Variants in CLMN observed in about 807,000 individuals in gnomAD.
The protein encoded by CLMN is calmin.
In CLMN, 57 loss-of-function variants were observed where a neutral mutation model predicts 92.7. The observed-to-expected ratio is 0.61, with a 90% CI of 0.50 to 0.77. CLMN has a LOEUF of 0.77. Ranked by LOEUF, CLMN falls within the 30% of genes least tolerant of loss-of-function variation. CLMN has a pLI of 0.00. For synonymous variants in CLMN, 466 were observed against 470.6 expected (o/e 0.99, Z 0.13); for missense variants, 1,158 against 1,237.5 (o/e 0.94, Z 0.96).
chr14:95,270,380 A>G (rs1258788756), intron 1 of CLMN, among the ~76,000 whole-genome samples: 1 of 152,220 alleles, frequency 6.6e-6, no homozygotes, highest in Non-Finnish European at 1.5e-5. Context: ...CCATACCACA[A>G]TCTAATTTTA....
At position 95,262,245 on chromosome 14, in the gene CLMN, C is replaced by T. The variant is rs184531429; in HGVS notation, c.83-32112G>A. Among the ~76,000 whole-genome samples the T allele has an allele frequency of 3.3e-3, 505 of 152,336 alleles. 1 individual carries two copies. Among genetic ancestry groups the T allele is most frequent in the African/African-American group, 0.011 (476 of 41,572 alleles). The stretch of plus-strand genomic sequence containing the variant: ...ATGTTTTCTCAGAGCCCTGTACCTG[C>T]GCTGGGGTTCACTGAGTTTTTGGCC... On this transcript the variant is annotated intron_variant, in intron 1 of 12. Transcript: ENST00000298912.
intron 3 of CLMN, chr14:95,222,619 C>A (rs541919805): frequency 9.7e-4 from 441 of 455,932 alleles, no homozygotes; most frequent in Non-Finnish European, 1.6e-3. Flanking sequence ...AAGTGGGGAG[C>A]CTCTGTGCTG....
chr14:95,222,557 C>T (rs563372905), intron 3 of CLMN: 2 of 455,584 alleles, frequency 4.4e-6, no homozygotes, highest in East Asian at 1.4e-4. Context: ...CAAAGACTCC[C>T]CGTGGAGGCC....
intron 4 of CLMN, 83 bp from the exon 5 acceptor site, chr14:95,215,816 TG>T: frequency 1.3e-4 from 1 of 7,750 alleles, no homozygotes. Flanking sequence ...TCTCTCTCTC[TG>T]TGTGTGTGTG....
chr14:95,202,984 T>C lies in CLMN; in HGVS notation c.2365A>G (p.Ser789Gly). 1 of 1,614,040 alleles carries C rather than the reference T, an allele frequency of 6.2e-7. No individual in the cohort carries two copies. Reference sequence around the variant, plus strand: ...ACCTGGTCGCTGGCACTGGGGAGGCTCTCTCCTGGCACCGAGGAACTGGAG... The same window carrying C: ...ACCTGGTCGCTGGCACTGGGGAGGCCCTCTCCTGGCACCGAGGAACTGGAG... ...SSSSSSVPGE[S>G]LPSASDQVLY... is the part of the protein sequence containing the mutation. The change falls in exon 9 of 13, where the codon AGC becomes GGC. Residue 789 changes from serine to glycine, a missense_variant. Physicochemically the swap from Ser to Gly is moderately conservative, Grantham distance 56. Transcript: ENST00000298912.
intron 1 of CLMN, among the ~76,000 whole-genome samples, chr14:95,257,342 T>TA (rs1899042365): frequency 6.6e-6 from 1 of 152,224 alleles, no homozygotes; most frequent in Admixed American, 6.5e-5. Context: ...ATAACAGATT[T>TA]ACATCATTCT....
chr14:95,196,319 G>C (rs1896709567), intron 10 of CLMN, among the ~76,000 whole-genome samples, 179 bp downstream of exon 10: 1 of 152,198 alleles, frequency 6.6e-6, no homozygotes, highest in Admixed American at 6.5e-5. Context: ...ATGAGGTCTG[G>C]TAATGATGAG....
Position 95,213,304 on chromosome 14 carries a change from C to T in CLMN, c.523G>A (p.Ala175Thr). Residue 175 changes from alanine (A) to threonine (T), a missense_variant, in exon 6 of 13, where the codon GCA becomes ACA. Transcript: ENST00000298912. ...ACCGATATTGCCACGCTCCTCTCTGCAGTGGGTGTGGGTGGGAAGGATGAG... is the reference window on the plus strand; with the variant it reads ...ACCGATATTGCCACGCTCCTCTCTGTAGTGGGTGTGGGTGGGAAGGATGAG... ...SDSSFPPTPT[A>T]ERSVAISVKD... The T allele has an allele frequency of 6.2e-7, 1 of 1,614,044 alleles. No individual in the cohort carries two copies. The highest frequency in any genetic ancestry group is 1.1e-5 in the South Asian group (1 of 91,042).
chr14:95,285,353 C>T (rs1900300639), intron 1 of CLMN, among the ~76,000 whole-genome samples: 1 of 152,068 alleles, frequency 6.6e-6, no homozygotes, highest in South Asian at 2.1e-4. Flanking sequence ...CACCCATCCC[C>T]AACTAGTACC....
At chr14:95,227,026 T>C (rs934264999) in intron 2 of CLMN, among the ~76,000 whole-genome samples, 8 of 152,132 alleles carry the variant, frequency 5.3e-5, no homozygotes, top group South Asian at 4.2e-4. Context: ...ACATGGGAGA[T>C]AGGATTAATG....
intron 1 of CLMN, among the ~76,000 whole-genome samples, chr14:95,317,153 G>A (rs1173640303): frequency 1.3e-5 from 2 of 152,210 alleles, no homozygotes; most frequent in African/African-American, 4.8e-5. Flanking sequence ...CTGACAGCCA[G>A]TTATGGCAGA....
chr14:95,309,229 G>A (rs534493376), intron 1 of CLMN, among the ~76,000 whole-genome samples: 2 of 152,218 alleles, frequency 1.3e-5, no homozygotes, highest in African/African-American at 4.8e-5. Flanking sequence ...ACCAAAAGTC[G>A]GAAACTGTCT....
At chr14:95,255,582 A>G (rs974966080) in intron 1 of CLMN, among the ~76,000 whole-genome samples, 9 of 152,172 alleles carry the variant, frequency 5.9e-5, no homozygotes, top group African/African-American at 2.2e-4. Context: ...TCCCCTGCAG[A>G]GAAGGAGGCA....
At chr14:95,210,931 A>C in intron 6 of CLMN, 52 bp from the exon 7 acceptor site, 2 of 1,475,362 alleles carry the variant, frequency 1.4e-6, no homozygotes, top group Non-Finnish European at 1.8e-6. Flanking sequence ...AAACAGACTC[A>C]AAGGTGCAAG....
intron 1 of CLMN, among the ~76,000 whole-genome samples, chr14:95,310,213 A>C (rs61665014): frequency 0.062 from 9,441 of 152,278 alleles, 307 homozygotes; most frequent in Middle Eastern, 0.096. Context: ...CCATGAGCCA[A>C]TTAAACTTCT....
Position 95,194,461 on chromosome 14 carries a change from G to A in CLMN, c.2769+75C>T, listed in dbSNP as rs1249975725. ...CATGCCAGTAATTTCAAAGCTCTGG[G>A]CTGGGGAGGAGGAAGGATGGAAAGG... is the stretch of plus-strand genomic sequence containing the variant. On this transcript the variant is annotated intron_variant, in intron 11 of 12. Transcript: ENST00000298912. This position sits in a 1 kb window ranked among gnomAD's most constrained non-coding sequence, Gnocchi z 4.0. 41 of 1,610,776 alleles carry A rather than the reference G, an allele frequency of 2.5e-5. No individual in the cohort carries two copies. Among genetic ancestry groups the A allele is most frequent in the Non-Finnish European group, 3.5e-5 (41 of 1,177,914 alleles).
At chr14:95,285,147 C>T (rs1900291470) in intron 1 of CLMN, among the ~76,000 whole-genome samples, 1 of 152,186 alleles carries the variant, frequency 6.6e-6, no homozygotes, top group Non-Finnish European at 1.5e-5. Flanking sequence ...TTTCTCTCGC[C>T]ACCACCATAT....
At chr14:95,312,587 C>T (rs2140800134) in intron 1 of CLMN, among the ~76,000 whole-genome samples, 1 of 152,322 alleles carries the variant, frequency 6.6e-6, no homozygotes, top group Non-Finnish European at 1.5e-5. Context: ...CCATTTCCTA[C>T]TCCGTAGGGA....
chr14:95,312,657 A>ACTG lies in CLMN; in HGVS notation c.82+7051_82+7053dup, dbSNP rs58425642. Among the ~76,000 whole-genome samples the ACTG allele has an allele frequency of 4.3e-3, 655 of 152,174 alleles. 4 individuals carry two copies. The highest frequency in any genetic ancestry group is 0.015 in the African/African-American group (621 of 41,508). ...GCCTTCCAGGCCCCTATATTCACAT[A>ACTG]CTGCTGCTGGAAAGAAGAGTGATTC... is the stretch of plus-strand genomic sequence containing the variant. On this transcript the variant is annotated intron_variant, in intron 1 of 12. Transcript: ENST00000298912.
Sources: gnomAD v4.1 joint callset for allele counts (sites outside exome capture counted in the v4.1 genomes callset) on GRCh38, gnomAD v4.1.1 for gene constraint, Gnocchi (gnomAD v3.1) non-coding constraint, MANE v1.5 for transcripts, NCBI Gene and HGNC (gene_info 2026-07-23, HGNC 2026-07-21) for gene names.